The following GRID1 variants were observed in gnomAD, a reference collection of about 807,000 sequenced individuals.
GRID1 encodes the protein glutamate ionotropic receptor delta type subunit 1.
In GRID1, 28 loss-of-function variants were observed where a neutral mutation model predicts 98.0. The ratio of observed to expected loss-of-function variants is 0.29; its 90% CI spans 0.21 to 0.39. The LOEUF is 0.39. Among genes scored for constraint, GRID1 ranks in the 10% least tolerant of loss-of-function variants. The pLI, the probability that GRID1 is intolerant of heterozygous loss-of-function variation, is 1.00. For missense variants in GRID1, 1,111 were observed against 1,340.5 expected, an observed-to-expected ratio of 0.83 and a Z score of 2.67; for synonymous variants, 553 against 538.5, an observed-to-expected ratio of 1.03 and a Z score of -0.37.
At chr10:86,011,912 C>A (rs1842927050) in intron 4 of GRID1, among the ~76,000 whole-genome samples, 1 of 152,208 alleles carries the variant, frequency 6.6e-6, no homozygotes, top group Non-Finnish European at 1.5e-5. Context: ...AATCACAGCA[C>A]TTTGGGAGGC....
chr10:85,745,663 G>A (rs1841989313), intron 8 of GRID1, among the ~76,000 whole-genome samples: 1 of 141,654 alleles, frequency 7.1e-6, no homozygotes, highest in Non-Finnish European at 1.5e-5. Context: ...CATGGCACAT[G>A]TATACATATG....
At chr10:86,239,785 C>A (rs1459921756) in intron 2 of GRID1, among the ~76,000 whole-genome samples, 1 of 152,182 alleles carries the variant, frequency 6.6e-6, no homozygotes, top group Non-Finnish European at 1.5e-5. Flanking sequence ...CCTAACCATG[C>A]CTCATATACA....
intron 8 of GRID1, among the ~76,000 whole-genome samples, chr10:85,784,721 G>C (rs2132730927): frequency 6.6e-6 from 1 of 152,310 alleles, no homozygotes; most frequent in South Asian, 2.1e-4. Flanking sequence ...GAAGTTCTGG[G>C]CTTTTGAATG....
Position 85,811,599 on chromosome 10 carries a change from C to T in GRID1, c.1233+42897G>A, listed in dbSNP as rs1467950329. 4.0e-5 allele frequency among the ~76,000 whole-genome samples: 6 copies of T among 151,706 alleles called. No homozygotes were observed. In the East Asian group the frequency reaches 7.7e-4, roughly 20 times the overall value. ...TCAAGAGCTTCAACAACAGACGAGACCAAGCAAAAGAAAGAATTTCTAAAC... is the reference window on the plus strand; with the variant it reads ...TCAAGAGCTTCAACAACAGACGAGATCAAGCAAAAGAAAGAATTTCTAAAC... On this transcript the variant is annotated intron_variant, in intron 8 of 15. Coordinates refer to ENST00000327946, the MANE Select transcript of GRID1 (RefSeq NM_017551.3).
intron 2 of GRID1, among the ~76,000 whole-genome samples, chr10:86,333,996 C>T (rs941319863): frequency 6.6e-5 from 10 of 152,174 alleles, no homozygotes; most frequent in African/African-American, 2.4e-4. Flanking sequence ...AGATGCCAGC[C>T]GCCACCCCCT....
intron 2 of GRID1, among the ~76,000 whole-genome samples, chr10:86,315,485 G>T (rs947224772): frequency 1.3e-5 from 2 of 152,172 alleles, no homozygotes; most frequent in Non-Finnish European, 2.9e-5. Flanking sequence ...ACTCCTCTCA[G>T]AACTACTACA....
rs114229323 is a variant in GRID1, at chr10:86,176,437, T to C, written c.520+29927A>G. The stretch of plus-strand genomic sequence containing the variant: ...GCATTTCCAGGCAGGAAGATCAGCA[T>C]GTGCAAAGGCACTGAGGCCTGAAAA... On this transcript the variant is annotated intron_variant, in intron 3 of 15. Transcript: ENST00000327946. Among the ~76,000 whole-genome samples the C allele has an allele frequency of 2.0e-3, 311 of 152,338 alleles. 1 individual carries two copies. Among genetic ancestry groups the C allele is most frequent in the African/African-American group, 7.1e-3 (295 of 41,576 alleles).
At chr10:85,926,398 T>C (rs1282525178) in intron 4 of GRID1, among the ~76,000 whole-genome samples, 1 of 152,102 alleles carries the variant, frequency 6.6e-6, no homozygotes, top group African/African-American at 2.4e-5. Context: ...AGAAGGAAAC[T>C]ATTTTTAGCA....
At chr10:86,346,168 G>C (rs954692816) in intron 2 of GRID1, among the ~76,000 whole-genome samples, 1 of 152,214 alleles carries the variant, frequency 6.6e-6, no homozygotes, top group African/African-American at 2.4e-5. Flanking sequence ...ACACGCTGCT[G>C]GGTGTGGCCT....
At position 85,916,312 on chromosome 10, in the gene GRID1, C is replaced by CA; in HGVS notation, c.727-74dup. On this transcript the variant is annotated intron_variant, in intron 4 of 15. Transcript: ENST00000327946. This position sits in a 1 kb window ranked among gnomAD's most constrained non-coding sequence, Gnocchi z 4.0. ...GGCAGACACAGGATGATTGCCGAGA[C>CA]AGAGTTTTATAAACATTGTTCTTGG... 1 of 1,101,648 alleles carries CA rather than the reference C, an allele frequency of 9.1e-7. No individual in the cohort carries two copies. Among genetic ancestry groups the CA allele is most frequent in the Non-Finnish European group, 1.4e-6 (1 of 717,580 alleles). The allele number at this position is 1,101,648 out of a possible 1,614,324, so 68.2% of individuals were successfully genotyped here.
intron 2 of GRID1, among the ~76,000 whole-genome samples, chr10:86,269,759 C>T (rs953715715): frequency 6.6e-6 from 1 of 152,194 alleles, no homozygotes; most frequent in Non-Finnish European, 1.5e-5. Context: ...GGGGCACATC[C>T]TGTTTGCTTT....
chr10:85,826,168 T>TA (rs554457664), intron 8 of GRID1, among the ~76,000 whole-genome samples: 12 of 147,930 alleles, frequency 8.1e-5, no homozygotes, highest in Admixed American at 1.4e-4. Context: ...TCATCTCTAC[T>TA]AAAAAAAAAA....
intron 2 of GRID1, among the ~76,000 whole-genome samples, chr10:86,212,861 T>A (rs56282012): frequency 6.6e-6 from 1 of 152,216 alleles, no homozygotes. Context: ...ATACGTTTCA[T>A]CTTTTATTAA....
At chr10:85,663,859 T>C (rs539305665) in intron 12 of GRID1, among the ~76,000 whole-genome samples, 1 of 152,328 alleles carries the variant, frequency 6.6e-6, no homozygotes, top group African/African-American at 2.4e-5. Flanking sequence ...TACAAGGTAA[T>C]GTTACTGTAG....
At chr10:86,138,396 C>G (rs770024863) in intron 4 of GRID1, among the ~76,000 whole-genome samples, 2 of 152,146 alleles carry the variant, frequency 1.3e-5, no homozygotes, top group Non-Finnish European at 2.9e-5. Flanking sequence ...GGCAAAGACA[C>G]CTCCTCCAGG....
intron 2 of GRID1, among the ~76,000 whole-genome samples, chr10:86,233,246 C>A (rs1253565584): frequency 6.6e-6 from 1 of 151,800 alleles, no homozygotes; most frequent in Non-Finnish European, 1.5e-5. Flanking sequence ...CAGCCAGGTT[C>A]GGTGCAGCTT....
Position 85,631,547 on chromosome 10 carries a change from G to A in GRID1, c.2194-11514C>T, listed in dbSNP as rs192842106. On this transcript the variant is annotated intron_variant, in intron 13 of 15. Coordinates refer to ENST00000327946, the MANE Select transcript of GRID1 (RefSeq NM_017551.3). ...TTTCAAGAAAAAAAGAAGCTGGTTT[G>A]GTATAAAGGAAAAAGAAAAGTCCTA... Among the ~76,000 whole-genome samples the A allele has an allele frequency of 2.3e-3, 356 of 152,200 alleles. 3 individuals are homozygous for A. The highest frequency in any genetic ancestry group is 3.4e-3 in the Middle Eastern group (1 of 294).
chr10:85,872,311 A>T (rs1843286375), intron 5 of GRID1, among the ~76,000 whole-genome samples: 1 of 152,210 alleles, frequency 6.6e-6, no homozygotes, highest in South Asian at 2.1e-4. Flanking sequence ...AGAGAGAATC[A>T]GAGCCAGTAC....
At chr10:85,945,922 A>G (rs1390768156) in intron 4 of GRID1, among the ~76,000 whole-genome samples, 1 of 152,222 alleles carries the variant, frequency 6.6e-6, no homozygotes, top group East Asian at 1.9e-4. Context: ...CATTTTCAAA[A>G]TGCTCTCTTG....
Sources: gnomAD v4.1 joint callset for allele counts (sites outside exome capture counted in the v4.1 genomes callset) on GRCh38, gnomAD v4.1.1 for gene constraint, Gnocchi (gnomAD v3.1) non-coding constraint, MANE v1.5 for transcripts, NCBI Gene and HGNC (gene_info 2026-07-23, HGNC 2026-07-21) for gene names.